Variants in DLGAP2 observed in about 807,000 individuals in gnomAD.
The protein encoded by DLGAP2 is disks large-associated protein 2.
A neutral mutation model predicts 100.3 loss-of-function variants in DLGAP2; 26 were observed. The ratio of observed to expected loss-of-function variants is 0.26; its 90% CI spans 0.19 to 0.36. DLGAP2 has a LOEUF of 0.36. Ranked by LOEUF, DLGAP2 falls within the 10% of genes least tolerant of loss-of-function variation. DLGAP2 has a pLI of 1.00. For synonymous variants in DLGAP2, 886 were observed against 630.1 expected (o/e 1.41, Z -6.08); for missense variants, 1,858 against 1,453.2 (o/e 1.28, Z -4.53).
rs1469296357 is a variant in DLGAP2 at position 1,321,728 on chromosome 8, A to G, written c.106+62845A>G. Among the ~76,000 whole-genome samples, 4 of 152,348 alleles carry G rather than the reference A, an allele frequency of 2.6e-5. No homozygotes were observed. In the East Asian group the frequency reaches 5.8e-4, roughly 22 times the overall value. Reference sequence around the variant, plus strand: ...TCTCTAGAACTCGGCTTCCCCATTTATAACATCCAAAATTTAGTGATTCTC... The same window carrying G: ...TCTCTAGAACTCGGCTTCCCCATTTGTAACATCCAAAATTTAGTGATTCTC... On this transcript the variant is annotated intron_variant, in intron 3 of 14. Coordinates refer to ENST00000637795, the MANE Select transcript of DLGAP2 (RefSeq NM_001346810.2).
intron 6 of DLGAP2, among the ~76,000 whole-genome samples, chr8:1,595,815 T>C (rs1796440041): frequency 6.6e-6 from 1 of 152,084 alleles, no homozygotes. Flanking sequence ...TAGTCTGAAC[T>C]AAGTGCTAAA....
Position 1,685,967 on chromosome 8 carries a change from C to T in DLGAP2, c.2705-5568C>T, listed in dbSNP as rs547772794. On this transcript the variant is annotated intron_variant, in intron 12 of 14. Coordinates refer to ENST00000637795, the MANE Select transcript of DLGAP2 (RefSeq NM_001346810.2). ...GTGCGGAGTAAGGGGAAAGCTTGCA[C>T]ACTGCTGGTTGGAATATGAAGTAGC... Among the ~76,000 whole-genome samples, 4 of 152,258 alleles carry T rather than the reference C, an allele frequency of 2.6e-5. No homozygotes were observed. The South Asian group carries it at 8.3e-4, about 32-fold the overall frequency.
At chr8:1,416,292 C>T (rs929963779) in intron 3 of DLGAP2, among the ~76,000 whole-genome samples, 2 of 152,188 alleles carry the variant, frequency 1.3e-5, no homozygotes, top group African/African-American at 2.4e-5. Context: ...GTTCCCGTCA[C>T]GACGGCCATG....
At chr8:889,863 G>T (rs1224126470) in intron 1 of DLGAP2, among the ~76,000 whole-genome samples, 1 of 152,242 alleles carries the variant, frequency 6.6e-6, no homozygotes, top group East Asian at 1.9e-4. Flanking sequence ...ACGTTCCGGG[G>T]CTGGAACTGT....
intron 1 of DLGAP2, among the ~76,000 whole-genome samples, chr8:828,145 A>T (rs562267776): frequency 1.3e-5 from 2 of 152,310 alleles, no homozygotes; most frequent in South Asian, 2.1e-4. Context: ...ATTGCTAATG[A>T]AGTTTTGGGC....
intron 2 of DLGAP2, among the ~76,000 whole-genome samples, chr8:1,165,540 G>C (rs914726669): frequency 5.9e-5 from 9 of 152,208 alleles, no homozygotes; most frequent in Middle Eastern, 3.2e-3. Context: ...GGCATGTGTT[G>C]CCAAGCCTTG....
chr8:1,506,509 C>T (rs147598365), intron 4 of DLGAP2, among the ~76,000 whole-genome samples: 156 of 152,286 alleles, frequency 1.0e-3, no homozygotes, highest in Non-Finnish European at 1.9e-3. Context: ...AGTGTTGCAG[C>T]TCATAAAAGG....
At chr8:1,316,028 C>G (rs375090992) in intron 3 of DLGAP2, among the ~76,000 whole-genome samples, 1 of 138,570 alleles carries the variant, frequency 7.2e-6, no homozygotes, top group Non-Finnish European at 1.6e-5. Flanking sequence ...GGTCTACACT[C>G]GAGACACTTG....
intron 2 of DLGAP2, among the ~76,000 whole-genome samples, chr8:1,209,497 CAAT>C (rs1328551975): frequency 2.6e-5 from 4 of 152,184 alleles, no homozygotes; most frequent in Non-Finnish European, 5.9e-5. Context: ...GCTGTTCTGT[CAAT>C]GTTTCTTGAG....
At chr8:884,974 C>T (rs1021761360) in intron 1 of DLGAP2, among the ~76,000 whole-genome samples, 1 of 152,148 alleles carries the variant, frequency 6.6e-6, no homozygotes, top group African/African-American at 2.4e-5. Flanking sequence ...GGTCTCTGTT[C>T]TGCTCCATTG....
chr8:809,248 A>G (rs1438500278), intron 1 of DLGAP2, among the ~76,000 whole-genome samples: 1 of 152,162 alleles, frequency 6.6e-6, no homozygotes, highest in South Asian at 2.1e-4. Context: ...CTGTATTAGC[A>G]CGTGGGCACA....
chr8:1,422,302 A>T (rs532677666), intron 3 of DLGAP2, among the ~76,000 whole-genome samples: 4 of 152,290 alleles, frequency 2.6e-5, no homozygotes, highest in African/African-American at 9.6e-5. Context: ...AGTTTTCACA[A>T]TAGGGAAGAA....
At chr8:904,515 C>G (rs940175557) in intron 1 of DLGAP2, among the ~76,000 whole-genome samples, 4 of 152,170 alleles carry the variant, frequency 2.6e-5, no homozygotes, top group African/African-American at 9.7e-5. Context: ...ACAAGACTGT[C>G]TCAAAAAAAT....
chr8:1,375,038 G>A (rs1215842201), intron 3 of DLGAP2, among the ~76,000 whole-genome samples: 2 of 152,204 alleles, frequency 1.3e-5, no homozygotes, highest in Non-Finnish European at 2.9e-5. Flanking sequence ...TGCTACTGAG[G>A]TGCTGTTCAT....
At chr8:1,023,855 A>ATGTGTGTGTGTGTGTG (rs1192338772) in intron 2 of DLGAP2, among the ~76,000 whole-genome samples, 191 of 59,348 alleles carry the variant, frequency 3.2e-3, no homozygotes, top group African/African-American at 7.3e-3. Context: ...CAAACTTTAT[A>ATGTGTGTGTGTGTGTG]TATGTGTGTG....
intron 2 of DLGAP2, among the ~76,000 whole-genome samples, chr8:1,083,459 C>T (rs962593105): frequency 6.6e-6 from 1 of 152,120 alleles, no homozygotes; most frequent in African/African-American, 2.4e-5. Context: ...ACTTTTATGA[C>T]GTTCGAGTTT....
chr8:1,301,526 G>T (rs537281209), intron 3 of DLGAP2: 1 of 152,192 alleles, frequency 6.6e-6, no homozygotes, highest in Non-Finnish European at 1.5e-5. Context: ...TCAAGTGTGT[G>T]ACACGAACAC....
At chr8:994,973 A>G (rs768594045) in intron 2 of DLGAP2, among the ~76,000 whole-genome samples, 2 of 152,174 alleles carry the variant, frequency 1.3e-5, no homozygotes, top group African/African-American at 2.4e-5. Context: ...CATATTTAGT[A>G]CCTGAAATAG....
intron 3 of DLGAP2, among the ~76,000 whole-genome samples, chr8:1,345,906 C>T (rs1002354727): frequency 5.9e-5 from 9 of 152,142 alleles, no homozygotes; most frequent in Non-Finnish European, 1.0e-4. Context: ...AACTCGGGGA[C>T]GTGAAGTGAC....
Sources: allele counts gnomAD v4.1 joint callset (sites outside exome capture counted in the v4.1 genomes callset), GRCh38; gene constraint gnomAD v4.1.1; transcripts MANE v1.5; gene names NCBI Gene and HGNC (gene_info 2026-07-23, HGNC 2026-07-21).